Variants in SAMMSON observed in about 807,000 individuals in gnomAD.
SAMMSON encodes the protein long intergenic non-protein coding RNA 1212.
intron 7 of SAMMSON, among the ~76,000 whole-genome samples, chr3:70,336,858 G>GTGTGTGTGTGTGT (rs1491478364): frequency 3.7e-5 from 5 of 135,766 alleles, no homozygotes; most frequent in Admixed American, 7.6e-5. Flanking sequence ...GTGTGTGTGT[G>GTGTGTGTGTGTGT]GAGAGAGAGA....
intron 7 of SAMMSON, among the ~76,000 whole-genome samples, chr3:70,301,699 C>T (rs1383981019): frequency 6.6e-6 from 1 of 151,870 alleles, no homozygotes; most frequent in Admixed American, 6.6e-5. Flanking sequence ...TAATTTGTGG[C>T]CTGAATATAG....
At chr3:70,212,034 T>C (rs1701356744) in intron 4 of SAMMSON, among the ~76,000 whole-genome samples, 1 of 152,044 alleles carries the variant, frequency 6.6e-6, no homozygotes, top group Non-Finnish European at 1.5e-5. Flanking sequence ...CCTCTTAGTT[T>C]CTTTCTTCCT....
chr3:70,288,156 G>T (rs1212355175), intron 6 of SAMMSON, among the ~76,000 whole-genome samples: 2 of 143,976 alleles, frequency 1.4e-5, no homozygotes, highest in South Asian at 4.8e-4. Flanking sequence ...ATGTTAGGGT[G>T]TCAATTTTGG....
chr3:70,019,435 G>A (rs2067001096), intron 3 of SAMMSON, among the ~76,000 whole-genome samples: 2 of 152,150 alleles, frequency 1.3e-5, no homozygotes, highest in Non-Finnish European at 2.9e-5. Flanking sequence ...CATTTGCTTG[G>A]TAGATCTTCC....
intron 9 of SAMMSON, among the ~76,000 whole-genome samples, chr3:70,361,202 C>T (rs1355581195): frequency 5.3e-5 from 8 of 152,106 alleles, no homozygotes; most frequent in Admixed American, 5.2e-4. Flanking sequence ...CTGTAGTCTC[C>T]TTGTGAGTCA....
chr3:70,083,566 C>T (rs2067274652), intron 4 of SAMMSON, among the ~76,000 whole-genome samples: 1 of 152,150 alleles, frequency 6.6e-6, no homozygotes, highest in Non-Finnish European at 1.5e-5. Context: ...CCAACAATTG[C>T]TGGATTTCTT....
At chr3:70,274,096 C>CGTGTGTGTGCGT in intron 6 of SAMMSON, among the ~76,000 whole-genome samples, 1 of 149,284 alleles carries the variant, frequency 6.7e-6, no homozygotes, top group Non-Finnish European at 1.5e-5. Context: ...TGTGTGCGCG[C>CGTGTGTGTGCGT]GCGCATGTGT....
chr3:70,320,489 C>G (rs1702528934), intron 7 of SAMMSON, among the ~76,000 whole-genome samples: 1 of 152,028 alleles, frequency 6.6e-6, no homozygotes, highest in Admixed American at 6.6e-5. Context: ...AAAATAATGG[C>G]ATCGTATATT....
chr3:70,395,331 C>CTTT (rs71126501), intron 2 of SAMMSON, among the ~76,000 whole-genome samples: 2,472 of 113,568 alleles, frequency 0.022, 70 homozygotes, highest in African/African-American at 0.045. Flanking sequence ...CTCTCTCTCT[C>CTTT]TTTTTTTTTT....
intron 3 of SAMMSON, among the ~76,000 whole-genome samples, chr3:70,056,696 C>T (rs2067169205): frequency 1.3e-5 from 2 of 151,910 alleles, no homozygotes; most frequent in Admixed American, 6.6e-5. Context: ...TCACATCTAA[C>T]ACTTCTTATT....
intron 2 of SAMMSON, among the ~76,000 whole-genome samples, chr3:70,401,026 C>T (rs1231577958): frequency 2.6e-5 from 4 of 152,138 alleles, no homozygotes; most frequent in Non-Finnish European, 4.4e-5. Context: ...TTTTATAGTA[C>T]AGTTTAAGAC....
intron 4 of SAMMSON, among the ~76,000 whole-genome samples, chr3:70,115,229 A>T (rs1028602345): frequency 1.3e-5 from 2 of 151,038 alleles, no homozygotes; most frequent in African/African-American, 4.9e-5. Context: ...AAAAAAAAGA[A>T]AGAAAGAAAA....
chr3:70,190,461 C>T (rs1371380082), intron 4 of SAMMSON, among the ~76,000 whole-genome samples: 2 of 152,184 alleles, frequency 1.3e-5, no homozygotes, highest in Non-Finnish European at 2.9e-5. Context: ...TCACAATCAC[C>T]ATCTTAGTCC....
At chr3:70,055,491 A>G (rs1177916751) in intron 3 of SAMMSON, among the ~76,000 whole-genome samples, 2 of 152,114 alleles carry the variant, frequency 1.3e-5, no homozygotes, top group African/African-American at 4.8e-5. Flanking sequence ...AACTTTTTTG[A>G]ACAAGTGCAT....
chr3:70,368,492 AT>A (rs1702938562), intron 9 of SAMMSON, among the ~76,000 whole-genome samples: 1 of 151,790 alleles, frequency 6.6e-6, no homozygotes, highest in African/African-American at 2.4e-5. Context: ...TAGCTTTCAA[AT>A]TTTTAATAAC....
At chr3:70,360,433 C>G (rs912060586) in intron 9 of SAMMSON, among the ~76,000 whole-genome samples, 1 of 152,084 alleles carries the variant, frequency 6.6e-6, no homozygotes, top group Non-Finnish European at 1.5e-5. Flanking sequence ...GTCACTTTTC[C>G]TATTGTAAAA....
In SAMMSON at chr3:70,163,076, CT is replaced by C. The variant is rs200917269; in HGVS notation, n.508-86023del. On this transcript the variant is annotated intron_variant and non_coding_transcript_variant, in intron 4 of 9. Coordinates refer to ENST00000642114, the Ensembl canonical transcript of SAMMSON. ...TTTATAGGAAGTATATAATCGAATC[CT>C]TTTTTTTCATTATCTAGTCTGACAA... Among the ~76,000 whole-genome samples the C allele has an allele frequency of 5.2e-3, 784 of 150,838 alleles. 8 individuals carry two copies. Among genetic ancestry groups the C allele is most frequent in the African/African-American group, 0.018 (748 of 41,220 alleles).
chr3:70,207,830 C>T (rs779056713), intron 4 of SAMMSON, among the ~76,000 whole-genome samples: 1 of 151,896 alleles, frequency 6.6e-6, no homozygotes, highest in Admixed American at 6.6e-5. Flanking sequence ...CTGAAAATTT[C>T]GATATCTGTG....
intron 2 of SAMMSON, among the ~76,000 whole-genome samples, chr3:70,395,331 C>CTTTTTTTTTTTTTTTTTTTTTTTT (rs71126501): frequency 2.6e-5 from 3 of 113,678 alleles, no homozygotes; most frequent in African/African-American, 3.5e-5. Context: ...CTCTCTCTCT[C>CTTTTTTTTTTTTTTTTTTTTTTTT]TTTTTTTTTT....
Sources: gnomAD v4.1 joint callset for allele counts (sites outside exome capture counted in the v4.1 genomes callset) on GRCh38, gnomAD v4.1.1 for gene constraint, MANE v1.5 for transcripts, NCBI Gene and HGNC (gene_info 2026-07-23, HGNC 2026-07-21) for gene names.